ZNF816: variants seen among roughly 807,000 people sequenced by gnomAD.
The protein encoded by ZNF816 is zinc finger protein 816A.
In ZNF816, 11 loss-of-function variants were observed where a neutral mutation model predicts 8.3. The ratio of observed to expected loss-of-function variants is 1.32; its 90% CI spans 0.83 to 2.19. The LOEUF (loss-of-function observed/expected upper bound fraction) is 2.19, where lower values mean the gene tolerates loss of function less well. Ranked by LOEUF, ZNF816 falls within the 30% of genes most tolerant of loss-of-function variation. The pLI is 0.00. For synonymous variants in ZNF816, 255 were observed against 254.5 expected (o/e 1.00, Z -0.02); for missense variants, 710 against 779.3 (o/e 0.91, Z 1.06).
intron 2 of ZNF816, chr19:52,953,185 C>G (rs549152801): frequency 6.3e-5 from 17 of 268,956 alleles, no homozygotes; most frequent in Middle Eastern, 1.4e-3. Context: ...CTCCTGAGCT[C>G]AGGAGTTCGA....
chr19:52,953,229 T>C, intron 2 of ZNF816: 1 of 189,476 alleles, frequency 5.3e-6, no homozygotes, highest in Non-Finnish European at 9.7e-6. Context: ...CCGTCTCTAC[T>C]AAAAATACAA....
chr19:52,954,144 T>C (rs1219108678), intron 2 of ZNF816, among the ~76,000 whole-genome samples: 1 of 151,936 alleles, frequency 6.6e-6, no homozygotes, highest in Non-Finnish European at 1.5e-5. Flanking sequence ...TCCCAGCACT[T>C]TGGGAGGCTC....
At chr19:52,959,440 A>G (rs1247591137) in intron 1 of ZNF816, among the ~76,000 whole-genome samples, 1 of 152,186 alleles carries the variant, frequency 6.6e-6, no homozygotes, top group African/African-American at 2.4e-5. Flanking sequence ...GGGCATCAGT[A>G]GACTGGGAGC....
chr19:52,951,897 TA>T (rs1463646726), intron 3 of ZNF816: 1 of 412,832 alleles, frequency 2.4e-6, no homozygotes, highest in Non-Finnish European at 4.2e-6. Flanking sequence ...AAATTCTGTG[TA>T]GAAAAAAAAA....
chr19:52,951,299 C>G lies in ZNF816; in HGVS notation c.476G>C (p.Ser159Thr). ...GAGTTCAGGCAGATGCGAATGAAAGCTTAATCCAAGCTGATCTTTAATAGG... is the reference window on the plus strand; with the variant it reads ...GAGTTCAGGCAGATGCGAATGAAAGGTTAATCCAAGCTGATCTTTAATAGG... Reference protein sequence around the residue: ...NKPIKDQLGLSFHSHLPELHM... With the variant: ...NKPIKDQLGLTFHSHLPELHM... The change falls in exon 4 of 4, where the codon AGC (serine) becomes ACC (threonine). Residue 159 changes from serine to threonine, a missense_variant. Ser to Thr is a moderately conservative substitution (Grantham distance 58, BLOSUM62 1). Coordinates refer to ENST00000444460, the MANE Select transcript of ZNF816 (RefSeq NM_001202457.3). The G allele has an allele frequency of 6.2e-7, 1 of 1,614,184 alleles. No individual in the cohort carries two copies. The highest frequency in any genetic ancestry group is 8.5e-7 in the Non-Finnish European group (1 of 1,180,028).
Position 52,951,465 on chromosome 19 carries a change from G to A in ZNF816, c.310C>T (p.Pro104Ser), listed in dbSNP as rs1484173014. The change falls in exon 4 of 4, where the codon CCA becomes TCA. Residue 104 changes from proline to serine, a missense_variant. By Grantham distance (74) the Pro-to-Ser change is moderately conservative. Coordinates refer to ENST00000444460, the MANE Select transcript of ZNF816 (RefSeq NM_001202457.3). ...KSHHIGDFCF[P>S]EMKKDIHHFE... ...TGATGAATATCTTTCTTCATTTCTG[G>A]GAAGCAAAAATCTCCAATGTGATGA... 6.2e-7 allele frequency: 1 copy of A among 1,613,676 alleles called. No individual in the cohort carries two copies. The highest frequency in any genetic ancestry group is 1.3e-5 in the African/African-American group (1 of 74,838).
rs920428828 is a variant in ZNF816, at chr19:52,957,314, C to T, written c.-15-1210G>A. Among the ~76,000 whole-genome samples, 1 of 152,170 alleles carries T rather than the reference C, an allele frequency of 6.6e-6. No homozygotes were observed. Among genetic ancestry groups the T allele is most frequent in the Admixed American group, 6.5e-5 (1 of 15,268 alleles). On this transcript the variant is annotated intron_variant, in intron 1 of 3. Coordinates refer to ENST00000444460, the MANE Select transcript of ZNF816 (RefSeq NM_001202457.3). The surrounding 1 kb of genome is among the most constrained non-coding windows in gnomAD (Gnocchi z 4.6). ...CATCCCTGCTGGGTACTCCAGCCAGCTTGGGCGACATGGATTCTGAGAGTG... is the reference window on the plus strand; with the variant it reads ...CATCCCTGCTGGGTACTCCAGCCAGTTTGGGCGACATGGATTCTGAGAGTG...
intron 2 of ZNF816, among the ~76,000 whole-genome samples, chr19:52,953,671 TTATA>T (rs965305705): frequency 1.4e-5 from 2 of 140,756 alleles, no homozygotes; most frequent in East Asian, 3.9e-4. Context: ...GTATCATATA[TTATA>T]TATAATATTG....
chr19:52,953,493 T>C (rs1414950165), intron 2 of ZNF816: 10 of 109,714 alleles, frequency 9.1e-5, no homozygotes, highest in African/African-American at 4.5e-4. Flanking sequence ...ATAATATATA[T>C]TTTAATATTT....
chr19:52,953,970 A>G (rs8111196), intron 2 of ZNF816, among the ~76,000 whole-genome samples: 68,954 of 147,226 alleles, frequency 0.47, 19,212 homozygotes, highest in African/African-American at 0.79. Context: ...GAACTCTGGA[A>G]GCAGGGGTTG....
chr19:52,962,419 T>A (rs2083564773), intron 1 of ZNF816, among the ~76,000 whole-genome samples: 2 of 151,870 alleles, frequency 1.3e-5, no homozygotes, highest in African/African-American at 2.4e-5. Flanking sequence ...CCACCACGTC[T>A]CAGATGGAAA....
At chr19:52,960,306 T>G (rs2083545539) in intron 1 of ZNF816, 1 of 245,724 alleles carries the variant, frequency 4.1e-6, no homozygotes. Flanking sequence ...AACAAGTATT[T>G]ACTAGTTCTC....
chr19:52,951,165 A>G lies in ZNF816; in HGVS notation c.610T>C (p.Ser204Pro). The part of the protein sequence containing the change: ...RISCRLKTHI[S>P]NKYGKNFLHS... ...AGGAAATTCTTCCCATACTTATTAG[A>G]AATATGAGTTTTGAGCCTACAAGAA... Residue 204 changes from serine to proline, a missense_variant, in exon 4 of 4, where the codon TCT (serine) becomes CCT (proline). Ser to Pro is a moderately conservative substitution (Grantham distance 74). Transcript: ENST00000444460. 3 of 1,614,092 alleles carry G rather than the reference A, an allele frequency of 1.9e-6. No individual in the cohort carries two copies. Among genetic ancestry groups the G allele is most frequent in the Non-Finnish European group, 2.5e-6 (3 of 1,180,020 alleles).
Position 52,951,130 on chromosome 19 carries a change from TGAA to T in ZNF816, c.642_644del (p.Ser215del), listed in dbSNP as rs1261228026. On this transcript the variant is annotated inframe_deletion, in exon 4 of 4. Transcript: ENST00000444460. ...TGCATATTTCCTGTATTTGTGTGAA[TGAA>T]GAATGGAGGAAATTCTTCCCATACT... 3.8e-5 allele frequency: 62 copies of T among 1,613,988 alleles called. No homozygotes were observed. Among genetic ancestry groups the T allele is most frequent in the Non-Finnish European group, 5.1e-5 (60 of 1,180,026 alleles).
intron 2 of ZNF816, among the ~76,000 whole-genome samples, chr19:52,953,766 A>C (rs1418179280): frequency 6.8e-6 from 1 of 145,996 alleles, no homozygotes; most frequent in Non-Finnish European, 1.5e-5. Context: ...AAGTCCAGAC[A>C]TGGTGGCTCA....
rs756915816 is a variant in ZNF816, at chr19:52,952,850, TA to T, written c.90del (p.Ile31Ter). 70 of 1,607,492 alleles carry T rather than the reference TA, an allele frequency of 4.4e-5. No homozygotes were observed. In the East Asian group the frequency reaches 1.5e-3, roughly 35 times the overall value. Reference sequence around the variant, plus strand: ...TTCCACTCCTCCAAAGAGAACTCTATAGCCACATCCCTGAAAGTCAAGCGTC... The same window carrying T: ...TTCCACTCCTCCAAAGAGAACTCTATGCCACATCCCTGAAAGTCAAGCGTC... ...PQGRLTFRDV[A>X]IEFSLEEWKC... On this transcript the variant is annotated frameshift_variant, in exon 3 of 4. Coordinates refer to ENST00000444460, the MANE Select transcript of ZNF816 (RefSeq NM_001202457.3). LOFTEE classifies it high-confidence loss of function.
At chr19:52,951,667 CA>C in intron 3 of ZNF816, 83 bp from the exon 4 acceptor site, 1 of 1,291,328 alleles carries the variant, frequency 7.7e-7, no homozygotes, top group Non-Finnish European at 1.1e-6. Context: ...AAAAATTACA[CA>C]AAAAGCAATA....
chr19:52,958,227 A>T (rs2083526929), intron 1 of ZNF816, among the ~76,000 whole-genome samples: 1 of 152,156 alleles, frequency 6.6e-6, no homozygotes, highest in African/African-American at 2.4e-5. Context: ...CCGGTACAGG[A>T]CTTGCACTTA....
chr19:52,951,196 T>C lies in ZNF816; in HGVS notation c.579A>G (p.Gln193=). The change falls in exon 4 of 4, where the codon CAA becomes CAG. Residue 193 remains glutamine, a synonymous_variant. Transcript: ENST00000444460. ...GAGTTTTGAGCCTACAAGAAATTCTTTGGGATTCTGAAGCTGAGGAAGCAC... is the reference window on the plus strand; with the variant it reads ...GAGTTTTGAGCCTACAAGAAATTCTCTGGGATTCTGAAGCTGAGGAAGCAC... ...SIGASSASES[Q]RISCRLKTHI... The C allele has an allele frequency of 6.3e-7, 1 of 1,596,390 alleles. No homozygotes were observed. Among genetic ancestry groups the C allele is most frequent in the Non-Finnish European group, 8.5e-7 (1 of 1,177,348 alleles).
Sources: gnomAD v4.1 joint callset for allele counts (sites outside exome capture counted in the v4.1 genomes callset) on GRCh38, gnomAD v4.1.1 for gene constraint, Gnocchi (gnomAD v3.1) non-coding constraint, MANE v1.5 for transcripts, NCBI Gene and HGNC (gene_info 2026-07-23, HGNC 2026-07-21) for gene names.